Variants in ARHGAP10 observed in about 807,000 individuals in gnomAD.
The protein encoded by ARHGAP10 is Rho GTPase activating protein 10.
In ARHGAP10, 87 loss-of-function variants were observed where a neutral mutation model predicts 108.6. The observed-to-expected ratio is 0.80, with a 90% CI of 0.67 to 0.96. The LOEUF (loss-of-function observed/expected upper bound fraction) is 0.96. ARHGAP10 is among the 40% of genes least tolerant of loss of function. The pLI, the probability that ARHGAP10 is intolerant of heterozygous loss-of-function variation, is 0.00. For synonymous variants in ARHGAP10, 347 were observed against 341.1 expected (o/e 1.02, Z -0.19); for missense variants, 939 against 954.5 (o/e 0.98, Z 0.21).
chr4:148,001,211 G>C (rs989009618), intron 18 of ARHGAP10, among the ~76,000 whole-genome samples: 1 of 152,186 alleles, frequency 6.6e-6, no homozygotes, highest in Non-Finnish European at 1.5e-5. Flanking sequence ...GTTTGTCAAA[G>C]ATCATACGGT....
intron 3 of ARHGAP10, among the ~76,000 whole-genome samples, chr4:147,827,253 A>G (rs894787333): frequency 6.6e-6 from 1 of 152,120 alleles, no homozygotes; most frequent in Non-Finnish European, 1.5e-5. Flanking sequence ...TTACTAAAAC[A>G]TAACTGATGC....
chr4:147,889,733 T>G (rs1240091333), intron 10 of ARHGAP10, among the ~76,000 whole-genome samples: 1 of 152,150 alleles, frequency 6.6e-6, no homozygotes, highest in Non-Finnish European at 1.5e-5. Flanking sequence ...GGCAGCTGGG[T>G]AGCATTTTGA....
chr4:147,956,002 A>G (rs1018371562), intron 16 of ARHGAP10, among the ~76,000 whole-genome samples: 4 of 152,108 alleles, frequency 2.6e-5, no homozygotes, highest in Non-Finnish European at 5.9e-5. Context: ...CTCACTTTCT[A>G]TCTTTGACAC....
chr4:147,998,499 G>C (rs1188797702), intron 18 of ARHGAP10, among the ~76,000 whole-genome samples: 4 of 152,244 alleles, frequency 2.6e-5, no homozygotes, highest in Non-Finnish European at 5.9e-5. Flanking sequence ...TGTGACGTCA[G>C]CAGGGCACTA....
Position 147,909,779 on chromosome 4 carries a change from T to G in ARHGAP10, c.1162+2T>G, listed in dbSNP as rs772327850. The G allele has an allele frequency of 2.5e-6, 4 of 1,605,688 alleles. No individual in the cohort carries two copies. Among genetic ancestry groups the G allele is most frequent in the South Asian group, 2.2e-5 (2 of 90,882 alleles). On this transcript the variant is annotated splice_donor_variant, in intron 12 of 22. Coordinates refer to ENST00000336498, the MANE Select transcript of ARHGAP10 (RefSeq NM_024605.4). LOFTEE classifies it high-confidence loss of function. ...CCATCATCCCAAGACCAGAAGGAAG[T>G]AAGTGCTCATTTATAAAAATGATTG...
At chr4:148,040,347 T>C (rs532494595) in intron 19 of ARHGAP10, among the ~76,000 whole-genome samples, 8 of 152,152 alleles carry the variant, frequency 5.3e-5, no homozygotes, top group Non-Finnish European at 7.4e-5. Flanking sequence ...TTTTGTTTTT[T>C]GTTTTTTGTT....
At chr4:148,053,112 T>A (rs1392121423) in intron 20 of ARHGAP10, among the ~76,000 whole-genome samples, 1 of 152,136 alleles carries the variant, frequency 6.6e-6, no homozygotes, top group East Asian at 1.9e-4. Context: ...GGTAGATATA[T>A]CTTCATTTTT....
chr4:147,919,658 C>T (rs367767110), intron 13 of ARHGAP10, among the ~76,000 whole-genome samples: 17 of 152,020 alleles, frequency 1.1e-4, no homozygotes, highest in East Asian at 5.8e-4. Context: ...GTGCAGCCTC[C>T]GTCTCCGCCT....
chr4:147,921,378 G>T (rs1737224529), intron 13 of ARHGAP10, among the ~76,000 whole-genome samples: 1 of 152,216 alleles, frequency 6.6e-6, no homozygotes, highest in South Asian at 2.1e-4. Flanking sequence ...AATCAGAATT[G>T]TTGACGATTG....
intron 1 of ARHGAP10, among the ~76,000 whole-genome samples, chr4:147,772,065 C>T (rs1156897589): frequency 6.6e-6 from 1 of 152,226 alleles, no homozygotes; most frequent in African/African-American, 2.4e-5. Context: ...GCTGGGATTA[C>T]AGGCGTGAGC....
At chr4:147,900,460 TA>T (rs1736193010) in intron 10 of ARHGAP10, among the ~76,000 whole-genome samples, 1 of 152,252 alleles carries the variant, frequency 6.6e-6, no homozygotes, top group African/African-American at 2.4e-5. Flanking sequence ...TCACTTGGTT[TA>T]TTTTTTTCGT....
At chr4:147,937,262 C>A (rs1737990678) in intron 13 of ARHGAP10, among the ~76,000 whole-genome samples, 1 of 152,188 alleles carries the variant, frequency 6.6e-6, no homozygotes. Flanking sequence ...GGATAGCTGT[C>A]TTCTCCCTGT....
intron 18 of ARHGAP10, among the ~76,000 whole-genome samples, chr4:148,010,129 A>C (rs2149653295): frequency 6.6e-6 from 1 of 152,180 alleles, no homozygotes; most frequent in Non-Finnish European, 1.5e-5. Context: ...ATGAGGTTGG[A>C]GGGAGAATGA....
rs185717663 is a variant in ARHGAP10 at position 147,963,963 on chromosome 4, A to G, written c.1451-1061A>G. On this transcript the variant is annotated intron_variant, in intron 16 of 22. Transcript: ENST00000336498. Reference sequence around the variant, plus strand: ...GAAGCCCCACCCTACTTCAGTTATGATCTCATCTAAACTGACATCTGCAAC... The same window carrying G: ...GAAGCCCCACCCTACTTCAGTTATGGTCTCATCTAAACTGACATCTGCAAC... Among the ~76,000 whole-genome samples the G allele has an allele frequency of 2.6e-3, 403 of 152,260 alleles. 4 individuals are homozygous for G. The highest frequency in any genetic ancestry group is 0.019 in the South Asian group (93 of 4,828).
intron 10 of ARHGAP10, among the ~76,000 whole-genome samples, chr4:147,887,771 A>G (rs2126881191): frequency 6.6e-6 from 1 of 152,002 alleles, no homozygotes; most frequent in East Asian, 1.9e-4. Context: ...CTGAGACAGG[A>G]GAATTTTTTG....
intron 10 of ARHGAP10, among the ~76,000 whole-genome samples, chr4:147,899,243 T>C (rs1253619992): frequency 6.6e-6 from 1 of 152,072 alleles, no homozygotes; most frequent in Non-Finnish European, 1.5e-5. Flanking sequence ...AAAATTCCAC[T>C]GTTTTCTTTG....
At chr4:147,759,257 T>A (rs1729500741) in intron 1 of ARHGAP10, among the ~76,000 whole-genome samples, 1 of 152,212 alleles carries the variant, frequency 6.6e-6, no homozygotes, top group South Asian at 2.1e-4. Flanking sequence ...AACTGTTATC[T>A]CCATTTTACT....
intron 18 of ARHGAP10, among the ~76,000 whole-genome samples, chr4:147,975,455 G>A (rs1045724183): frequency 1.9e-4 from 29 of 152,170 alleles, no homozygotes; most frequent in African/African-American, 6.5e-4. Flanking sequence ...TTGAGACTGG[G>A]TAATTTTGAA....
At chr4:148,065,125 C>A (rs540405055) in intron 22 of ARHGAP10, 1 of 152,210 alleles carries the variant, frequency 6.6e-6, no homozygotes, top group Non-Finnish European at 1.5e-5. Context: ...GGCTCAGTGT[C>A]TTTTTTCTCC....
Sources: gnomAD v4.1 joint callset for allele counts (sites outside exome capture counted in the v4.1 genomes callset) on GRCh38, gnomAD v4.1.1 for gene constraint, MANE v1.5 for transcripts, NCBI Gene and HGNC (gene_info 2026-07-23, HGNC 2026-07-21) for gene names.